Variants in USP33 observed in about 807,000 individuals in gnomAD.
The protein encoded by USP33 is ubiquitin carboxyl-terminal hydrolase 33.
Under a neutral mutation model 124.2 loss-of-function variants are expected in USP33, and 46 were observed. The ratio of observed to expected loss-of-function variants is 0.37; its 90% CI spans 0.29 to 0.47. The LOEUF (loss-of-function observed/expected upper bound fraction) is 0.47. USP33 is among the 20% of genes least tolerant of loss of function. The pLI is 0.99. For missense variants in USP33, 851 were observed against 1,070.6 expected, an observed-to-expected ratio of 0.79 and a Z score of 2.86; for synonymous variants, 350 against 352.3, an observed-to-expected ratio of 0.99 and a Z score of 0.07.
intron 7 of USP33, among the ~76,000 whole-genome samples, chr1:77,731,489 T>A (rs1185212574): frequency 6.6e-6 from 1 of 152,044 alleles, no homozygotes; most frequent in African/African-American, 2.4e-5. Context: ...CCAAACCTCC[T>A]ATGAAGGCAG....
intron 1 of USP33, 103 bp from the exon 2 acceptor site, chr1:77,741,851 T>A (rs982817626): frequency 5.5e-6 from 6 of 1,094,830 alleles, no homozygotes; most frequent in Non-Finnish European, 6.2e-6. Context: ...TTAAAAATGA[T>A]TAAAAGATAA....
At chr1:77,719,334 G>A (rs1343999973) in intron 15 of USP33, among the ~76,000 whole-genome samples, 1 of 152,154 alleles carries the variant, frequency 6.6e-6, no homozygotes, top group Non-Finnish European at 1.5e-5. Context: ...ACTCCAGCCT[G>A]GGGACAGAGC....
chr1:77,698,747 C>G (rs79576698), intron 22 of USP33, among the ~76,000 whole-genome samples: 1 of 150,118 alleles, frequency 6.7e-6, no homozygotes, highest in South Asian at 2.1e-4. Flanking sequence ...TGATCCACCC[C>G]CCTCGGCCTC....
chr1:77,726,349 T>TAAA (rs540315702), intron 10 of USP33, among the ~76,000 whole-genome samples: 1 of 140,248 alleles, frequency 7.1e-6, no homozygotes. Context: ...AATATAGCAT[T>TAAA]AAAAAAAAAA....
intron 1 of USP33, among the ~76,000 whole-genome samples, chr1:77,747,241 T>A (rs1679833607): frequency 8.0e-6 from 1 of 125,152 alleles, no homozygotes; most frequent in Admixed American, 8.0e-5. Flanking sequence ...GCTTCTGGGC[T>A]TTTTTTTTTT....
At chr1:77,718,074 A>G (rs748827895) in intron 16 of USP33, 27 bp from the exon 17 acceptor site, 2 of 1,551,320 alleles carry the variant, frequency 1.3e-6, no homozygotes, top group South Asian at 2.5e-5. Context: ...TTCAAAACTA[A>G]TTTGTCAATA....
intron 12 of USP33, 71 bp downstream of exon 12, chr1:77,723,260 C>T: frequency 3.5e-6 from 4 of 1,133,200 alleles, no homozygotes; most frequent in Non-Finnish European, 3.9e-6. Flanking sequence ...AAACTTTTCA[C>T]ATCATCTTGT....
rs753953180 is a variant in USP33 at position 77,728,327 on chromosome 1, G to A, written c.1103C>T (p.Thr368Ile). The A allele has an allele frequency of 1.4e-5, 23 of 1,604,180 alleles. No homozygotes were observed. Among genetic ancestry groups the A allele is most frequent in the Middle Eastern group, 3.3e-4 (2 of 6,014 alleles). Residue 368 changes from threonine (T) to isoleucine (I), a missense_variant, in exon 10 of 24, where the codon ACT becomes ATT. Thr to Ile is a moderately conservative substitution (Grantham distance 89). Around this residue, in one of 4 missense-constraint regions of USP33, gnomAD observed 207 missense variants for 200.9 expected, o/e 1.03. Transcript: ENST00000370794. Reference sequence around the variant, plus strand: ...TCTGCTGTGTATTTGCACTTTGACAGTTTCCTGGTTGTTTAAGTCGACTGT... The same window carrying A: ...TCTGCTGTGTATTTGCACTTTGACAATTTCCTGGTTGTTTAAGTCGACTGT... ...SETVDLNNQE[T>I]VKVQIHSRAS...
At chr1:77,750,621 TAAAAAAGAAAGAAAGAAAGA>T (rs1680213656) in intron 1 of USP33, among the ~76,000 whole-genome samples, 1 of 82,622 alleles carries the variant, frequency 1.2e-5, no homozygotes, top group African/African-American at 5.1e-5. Flanking sequence ...GACCCTGACT[TAAAAAAGAAAGAAAGAAAGA>T]AAGAAAGAAA....
chr1:77,733,391 T>TA (rs755662137), intron 7 of USP33, among the ~76,000 whole-genome samples: 7,353 of 127,920 alleles, frequency 0.057, 250 homozygotes, highest in African/African-American at 0.12. Context: ...AGACCCAGCC[T>TA]AAAAAAAAAA....
At chr1:77,720,242 T>C (rs1018983292) in intron 15 of USP33, 4 of 834,570 alleles carry the variant, frequency 4.8e-6, no homozygotes, top group Non-Finnish European at 5.8e-6. Flanking sequence ...GTTATTATTA[T>C]ATAATCAAAA....
rs779971658 is a variant in USP33 at position 77,711,708 on chromosome 1, C to G, written c.2406+39G>C. ...ACTCTGATAATTGTCAGGTCTTCAT[C>G]TTTATCCTAGATCAATTTGAAAAGC... On this transcript the variant is annotated intron_variant, in intron 21 of 23. Transcript: ENST00000370794. 5 of 1,586,268 alleles carry G rather than the reference C, an allele frequency of 3.2e-6. No homozygotes were observed. In the Admixed American group the frequency reaches 9.8e-5, roughly 31 times the overall value.
intron 22 of USP33, 93 bp from the exon 23 acceptor site, chr1:77,698,024 A>G: frequency 1.1e-6 from 1 of 880,696 alleles, no homozygotes; most frequent in Non-Finnish European, 1.8e-6. Context: ...CTATAACTAC[A>G]TTATCAGACT....
intron 9 of USP33, among the ~76,000 whole-genome samples, 155 bp downstream of exon 9, chr1:77,729,705 A>C (rs1360988092): frequency 1.3e-5 from 2 of 152,218 alleles, no homozygotes; most frequent in Non-Finnish European, 2.9e-5. Context: ...AGTTGAAAAA[A>C]TATAAACAAT....
intron 18 of USP33, among the ~76,000 whole-genome samples, chr1:77,715,299 C>A (rs890537384): frequency 6.6e-6 from 1 of 152,064 alleles, no homozygotes; most frequent in Admixed American, 6.5e-5. Context: ...CCCCACCCGC[C>A]GGGTTCAAGC....
Position 77,722,017 on chromosome 1 carries a change from T to A in USP33, c.1562+7A>T, listed in dbSNP as rs368950792. The stretch of plus-strand genomic sequence containing the variant: ...AATCATGTAATACAAAGAAAATAAA[T>A]ACATACCTCTTCACATATTCCATGA... On this transcript the variant is annotated splice_region_variant and intron_variant, in intron 13 of 23. Transcript: ENST00000370794. 8.1e-6 allele frequency: 13 copies of A among 1,611,558 alleles called. No individual in the cohort carries two copies. Among genetic ancestry groups the A allele is most frequent in the African/African-American group, 1.3e-5 (1 of 74,734 alleles).
intron 20 of USP33, among the ~76,000 whole-genome samples, chr1:77,712,575 A>G (rs1675381091): frequency 6.6e-6 from 1 of 152,224 alleles, no homozygotes; most frequent in Non-Finnish European, 1.5e-5. Context: ...CATGCCTGTA[A>G]TCCCAATACT....
At chr1:77,700,239 C>T (rs1248992307) in intron 22 of USP33, among the ~76,000 whole-genome samples, 1 of 152,098 alleles carries the variant, frequency 6.6e-6, no homozygotes, top group Non-Finnish European at 1.5e-5. Context: ...GTAGAAAAGC[C>T]AGATATGGTG....
At chr1:77,722,228 G>T (rs1676639624) in intron 12 of USP33, 32 bp from the exon 13 acceptor site, 1 of 1,580,624 alleles carries the variant, frequency 6.3e-7, no homozygotes. Flanking sequence ...AAAATGGGAT[G>T]AACATAATGC....
Sources: gnomAD v4.1 joint callset for allele counts (sites outside exome capture counted in the v4.1 genomes callset) on GRCh38, gnomAD v4.1.1 for gene constraint, gnomAD v4.1.1 regional missense constraint, MANE v1.5 for transcripts, NCBI Gene and HGNC (gene_info 2026-07-23, HGNC 2026-07-21) for gene names.